Variants in ORC2 observed in about 807,000 individuals in gnomAD.
ORC2 encodes the protein origin recognition complex subunit 2.
ORC2 carries 37 observed loss-of-function variants against 77.7 expected under a neutral mutation model. The ratio of observed to expected loss-of-function variants is 0.48; its 90% CI spans 0.37 to 0.63. ORC2 has a LOEUF of 0.63. ORC2 is among the 20% of genes least tolerant of loss of function. The pLI is 0.00. For synonymous variants in ORC2, 201 were observed against 229.5 expected, an observed-to-expected ratio of 0.88 and a Z score of 1.12; for missense variants, 557 against 661.9, an observed-to-expected ratio of 0.84 and a Z score of 1.74.
rs557492649 is a variant in ORC2, at chr2:200,959,475, T to G, written c.-59-35A>C. The G allele has an allele frequency of 2.0e-5, 3 of 152,346 alleles. No individual in the cohort carries two copies. In the East Asian group the frequency reaches 5.8e-4, roughly 29 times the overall value. The allele number at this position is 152,346 out of a possible 1,614,324, so 9.4% of individuals were successfully genotyped here. A position where few individuals can be genotyped will look rare whatever the true frequency, so the allele number is the denominator to read the frequency against. ...GAAAAATAACTCAGTCAGGGTCAGCTAGCAGAAAAATGAAAGCAATGGGGC... is the reference window on the plus strand; with the variant it reads ...GAAAAATAACTCAGTCAGGGTCAGCGAGCAGAAAAATGAAAGCAATGGGGC... On this transcript the variant is annotated intron_variant, in intron 1 of 17. Coordinates refer to ENST00000234296, the MANE Select transcript of ORC2 (RefSeq NM_006190.5).
chr2:200,913,376 C>A lies in ORC2; in HGVS notation c.1566G>T (p.Glu522Asp). Residue 522 changes from glutamate (E) to aspartate (D), a missense_variant, in exon 17 of 18, where the codon GAG (glutamate) becomes GAT (aspartate). By Grantham distance (45) the Glu-to-Asp change is conservative. Coordinates refer to ENST00000234296, the MANE Select transcript of ORC2 (RefSeq NM_006190.5). The stretch of plus-strand genomic sequence containing the variant: ...TCAGATCACTATTGACGAGGAATGC[C>A]TCCCGACACTGCTGGTAAAAATCTT... The part of the protein sequence containing the change: ...SFQDFYQQCR[E>D]AFLVNSDLTL... The A allele has an allele frequency of 6.3e-7, 1 of 1,597,848 alleles. No individual in the cohort carries two copies. The highest frequency in any genetic ancestry group is 8.6e-7 in the Non-Finnish European group (1 of 1,169,356).
chr2:200,940,589 G>A (rs1575171730), intron 7 of ORC2, among the ~76,000 whole-genome samples: 1 of 151,720 alleles, frequency 6.6e-6, no homozygotes, highest in East Asian at 1.9e-4. Flanking sequence ...ATCACTTGAG[G>A]TCAGGAGTTC....
chr2:200,913,407 G>C lies in ORC2; in HGVS notation c.1535C>G (p.Ser512Cys). The C allele has an allele frequency of 6.3e-7, 1 of 1,586,816 alleles. No individual in the cohort carries two copies. Among genetic ancestry groups the C allele is most frequent in the South Asian group, 1.1e-5 (1 of 90,538 alleles). Reference protein sequence around the residue: ...NQDNPSYIGLSFQDFYQQCRE... With the variant: ...NQDNPSYIGLCFQDFYQQCRE... Reference sequence around the variant, plus strand: ...ACACTGCTGGTAAAAATCTTGAAAAGAAAGGCCTGGCAAGTTCAAAAGGAT... The same window carrying C: ...ACACTGCTGGTAAAAATCTTGAAAACAAAGGCCTGGCAAGTTCAAAAGGAT... Residue 512 changes from serine (S) to cysteine (C), a missense_variant, in exon 17 of 18, where the codon TCT becomes TGT. Transcript: ENST00000234296.
intron 4 of ORC2, among the ~76,000 whole-genome samples, chr2:200,954,262 G>A (rs1487971893): frequency 2.0e-5 from 3 of 152,042 alleles, no homozygotes; most frequent in South Asian, 2.1e-4. Flanking sequence ...TTGAATTCCC[G>A]TCCTCAGGCG....
At position 200,934,297 on chromosome 2, in the gene ORC2, T is replaced by C. The variant is rs982683426; in HGVS notation, c.709-323A>G. 4.2e-4 allele frequency among the ~76,000 whole-genome samples: 64 copies of C among 152,066 alleles called. 1 individual carries two copies. The highest frequency in any genetic ancestry group is 1.5e-3 in the African/African-American group (63 of 41,484). ...TTTTATATATCAAGATCTTTGTTTC[T>C]CCTCAAGTAAGTCTTTTTTTTTTCC... On this transcript the variant is annotated intron_variant, in intron 9 of 17. Transcript: ENST00000234296.
Position 200,949,585 on chromosome 2 carries a change from A to G in ORC2, c.297T>C (p.Asn99=). ...GGGNKVYSFQ[N]RKHSEKMAKL... ...TAGCCATCTTTTCAGAGTGTTTTCTATTCTGAAAAGAATAAACTTTATTTC... is the reference window on the plus strand; with the variant it reads ...TAGCCATCTTTTCAGAGTGTTTTCTGTTCTGAAAAGAATAAACTTTATTTC... The change falls in exon 5 of 18, where the codon AAT becomes AAC. Residue 99 remains asparagine, a synonymous_variant. Coordinates refer to ENST00000234296, the MANE Select transcript of ORC2 (RefSeq NM_006190.5). 6.3e-7 allele frequency: 1 copy of G among 1,598,302 alleles called. No homozygotes were observed. Among genetic ancestry groups the G allele is most frequent in the Non-Finnish European group, 8.6e-7 (1 of 1,167,612 alleles).
intron 8 of ORC2, among the ~76,000 whole-genome samples, chr2:200,936,894 G>A (rs1181499236): frequency 6.6e-6 from 1 of 151,536 alleles, no homozygotes; most frequent in Non-Finnish European, 1.5e-5. Context: ...TCCAAAATAT[G>A]AGTGAAAAAA....
intron 15 of ORC2, among the ~76,000 whole-genome samples, chr2:200,914,649 T>C (rs1215882217): frequency 3.3e-5 from 5 of 152,120 alleles, no homozygotes; most frequent in Non-Finnish European, 5.9e-5. Flanking sequence ...CATACTGGTA[T>C]GCGCCTATGG....
intron 11 of ORC2, among the ~76,000 whole-genome samples, chr2:200,929,768 A>G (rs2040905929): frequency 6.6e-6 from 1 of 151,980 alleles, no homozygotes; most frequent in Non-Finnish European, 1.5e-5. Context: ...TCTGGGTGAC[A>G]GAGTGAGACT....
chr2:200,930,075 G>T (rs1416549676), intron 11 of ORC2, among the ~76,000 whole-genome samples: 1 of 152,084 alleles, frequency 6.6e-6, no homozygotes, highest in South Asian at 2.1e-4. Flanking sequence ...AAGCCAGAAG[G>T]GTGAATGAGA....
chr2:200,949,242 A>G (rs976960122), intron 5 of ORC2, among the ~76,000 whole-genome samples: 1 of 136,520 alleles, frequency 7.3e-6, no homozygotes, highest in Admixed American at 7.3e-5. Flanking sequence ...CTCCACCTTT[A>G]AAAAAAAAAA....
chr2:200,910,324 T>C lies in ORC2; in HGVS notation c.*977A>G, dbSNP rs535785356. On this transcript the variant is annotated 3_prime_UTR_variant, in exon 18 of 18. Coordinates refer to ENST00000234296, the MANE Select transcript of ORC2 (RefSeq NM_006190.5). Reference sequence around the variant, plus strand: ...CTAAGAAAAAAGTCTCGCGCAAATATTCAGGAGGTTTGAAATCATCACTTT... The same window carrying C: ...CTAAGAAAAAAGTCTCGCGCAAATACTCAGGAGGTTTGAAATCATCACTTT... The C allele has an allele frequency of 9.2e-5, 14 of 152,196 alleles. No homozygotes were observed. Among genetic ancestry groups the C allele is most frequent in the African/African-American group, 3.4e-4 (14 of 41,520 alleles). 9.4% of individuals were successfully genotyped at this position (152,196 alleles called of 1,614,324 possible).
At chr2:200,946,781 T>G (rs2041256811) in intron 5 of ORC2, among the ~76,000 whole-genome samples, 1 of 152,194 alleles carries the variant, frequency 6.6e-6, no homozygotes, top group Admixed American at 6.5e-5. Flanking sequence ...CCTGCACCAT[T>G]GTCCTAGGGT....
At chr2:200,931,301 T>G in intron 11 of ORC2, 38 bp downstream of exon 11, 1 of 854,492 alleles carries the variant, frequency 1.2e-6, no homozygotes. Context: ...GTAAATATTA[T>G]TCTTTATTTT....
intron 15 of ORC2, among the ~76,000 whole-genome samples, chr2:200,918,611 C>A (rs144128797): frequency 0.029 from 4,430 of 151,046 alleles, 108 homozygotes; most frequent in Middle Eastern, 0.089. Context: ...ACTTCAGCCT[C>A]CCAAGTAGCT....
chr2:200,925,480 C>T (rs2124957455), intron 13 of ORC2, among the ~76,000 whole-genome samples: 1 of 152,282 alleles, frequency 6.6e-6, no homozygotes, highest in African/African-American at 2.4e-5. Context: ...TGGCTCACAC[C>T]TATAATCTCA....
At chr2:200,935,401 G>A (rs1007383379) in intron 9 of ORC2, among the ~76,000 whole-genome samples, 2 of 152,220 alleles carry the variant, frequency 1.3e-5, no homozygotes, top group African/African-American at 4.8e-5. Flanking sequence ...GGGATTACAG[G>A]CATGAGCCAC....
intron 7 of ORC2, among the ~76,000 whole-genome samples, chr2:200,939,201 A>G (rs1391075465): frequency 1.3e-5 from 2 of 152,338 alleles, no homozygotes; most frequent in Non-Finnish European, 2.9e-5. Flanking sequence ...AAAAAATTAT[A>G]AAACAGAAAT....
At chr2:200,916,687 T>C (rs1422077061) in intron 15 of ORC2, among the ~76,000 whole-genome samples, 1 of 152,184 alleles carries the variant, frequency 6.6e-6, no homozygotes, top group Non-Finnish European at 1.5e-5. Flanking sequence ...ATTTAATGCC[T>C]ATTTCAATTT....
Sources: gnomAD v4.1 joint callset for allele counts (sites outside exome capture counted in the v4.1 genomes callset) on GRCh38, gnomAD v4.1.1 for gene constraint, MANE v1.5 for transcripts, NCBI Gene and HGNC (gene_info 2026-07-23, HGNC 2026-07-21) for gene names.